ITGAM: variants seen among roughly 807,000 people sequenced by gnomAD.
ITGAM encodes integrin subunit alpha M.
In ITGAM, 79 loss-of-function variants were observed where a neutral mutation model predicts 137.5. The ratio of observed to expected loss-of-function variants is 0.57; its 90% CI spans 0.48 to 0.69. The LOEUF is 0.69. Among genes scored for constraint, ITGAM ranks in the 30% least tolerant of loss-of-function variants. ITGAM has a pLI of 0.00. For missense variants in ITGAM, 1,343 were observed against 1,483.5 expected, an observed-to-expected ratio of 0.91 and a Z score of 1.56; for synonymous variants, 583 against 592.3, an observed-to-expected ratio of 0.98 and a Z score of 0.23.
intron 12 of ITGAM, among the ~76,000 whole-genome samples, chr16:31,284,798 G>A (rs554957631): frequency 3.7e-4 from 57 of 152,142 alleles, no homozygotes; most frequent in Non-Finnish European, 6.2e-4. Context: ...TGTCTTCTGC[G>A]TCACTCACGC....
chr16:31,322,929 G>A (rs1365957658), intron 16 of ITGAM, among the ~76,000 whole-genome samples: 1 of 151,932 alleles, frequency 6.6e-6, no homozygotes, highest in Admixed American at 6.6e-5. Context: ...ATAAATATGC[G>A]ATAAAAAGAA....
chr16:31,267,670 G>T (rs9938177), intron 5 of ITGAM, among the ~76,000 whole-genome samples: 109,978 of 150,440 alleles, frequency 0.73, 40,969 homozygotes, highest in African/African-American at 0.9. Context: ...TTTTTTTTTT[G>T]GAGACAGGGT....
intron 12 of ITGAM, among the ~76,000 whole-genome samples, chr16:31,286,194 G>A (rs1418046119): frequency 6.6e-6 from 1 of 151,396 alleles, no homozygotes; most frequent in Non-Finnish European, 1.5e-5. Flanking sequence ...TTTTTTTTAT[G>A]GTGGCGTAGT....
At chr16:31,264,365 T>G (rs1244881393) in intron 2 of ITGAM, among the ~76,000 whole-genome samples, 1 of 152,038 alleles carries the variant, frequency 6.6e-6, no homozygotes, top group African/African-American at 2.4e-5. Flanking sequence ...GAGGAATGCT[T>G]GAACCTGGGA....
At position 31,275,477 on chromosome 16, in the gene ITGAM, C is replaced by T. The variant is rs2079896150; in HGVS notation, c.859-72C>T. ...ATAAATAATGGTTCAGACTAGTTTC[C>T]TGCAGAATTGTCTTTGCCAGATGAT... On this transcript the variant is annotated intron_variant, in intron 8 of 29. Coordinates refer to ENST00000544665, the MANE Select transcript of ITGAM (RefSeq NM_000632.4). The T allele has an allele frequency of 1.4e-5, 21 of 1,480,132 alleles. No homozygotes were observed. In the South Asian group the frequency reaches 1.8e-4, roughly 13 times the overall value. The allele number at this position is 1,480,132 out of a possible 1,614,324, so 91.7% of individuals were successfully genotyped here.
intron 14 of ITGAM, among the ~76,000 whole-genome samples, chr16:31,309,553 C>G (rs976518994): frequency 6.6e-6 from 1 of 151,534 alleles, no homozygotes; most frequent in Non-Finnish European, 1.5e-5. Flanking sequence ...TGTCTCTGCA[C>G]TTGAGATGGG....
At chr16:31,281,318 G>C (rs2079966498) in intron 12 of ITGAM, among the ~76,000 whole-genome samples, 1 of 152,120 alleles carries the variant, frequency 6.6e-6, no homozygotes, top group African/African-American at 2.4e-5. Context: ...TTGTACCTCT[G>C]GTAGAATTCA....
At chr16:31,276,583 C>A (rs2079908289) in intron 9 of ITGAM, 88 bp from the exon 10 acceptor site, 3 of 892,108 alleles carry the variant, frequency 3.4e-6, no homozygotes, top group Admixed American at 2.1e-5. Flanking sequence ...CTGCCCATCT[C>A]AGGCTCTCAA....
chr16:31,312,309 G>T (rs180676425), intron 14 of ITGAM, among the ~76,000 whole-genome samples: 9 of 151,938 alleles, frequency 5.9e-5, no homozygotes, highest in East Asian at 1.9e-4. Context: ...AAAAAGAAAA[G>T]AAATCCAATG....
At chr16:31,285,411 G>T (rs189316787) in intron 12 of ITGAM, among the ~76,000 whole-genome samples, 418 of 152,172 alleles carry the variant, frequency 2.7e-3, no homozygotes, top group Non-Finnish European at 4.2e-3. Flanking sequence ...ATCACCTGAG[G>T]TCAGGAGTTT....
intron 23 of ITGAM, 155 bp from the exon 24 acceptor site, chr16:31,329,073 T>TTCCCC: frequency 3.3e-5 from 14 of 426,162 alleles, no homozygotes; most frequent in Non-Finnish European, 3.6e-5. Context: ...ACACATTGGT[T>TTCCCC]CCCCCATCCC....
chr16:31,270,669 A>G (rs1251674703), intron 5 of ITGAM, among the ~76,000 whole-genome samples: 4 of 127,160 alleles, frequency 3.1e-5, no homozygotes, highest in African/African-American at 1.2e-4. Flanking sequence ...ATGTGCCAAC[A>G]TGCCTGACTA....
At chr16:31,307,437 G>A (rs951202592) in intron 14 of ITGAM, among the ~76,000 whole-genome samples, 1 of 152,126 alleles carries the variant, frequency 6.6e-6, no homozygotes, top group South Asian at 2.1e-4. Flanking sequence ...CTCATGATTT[G>A]GCTCTCTGTT....
At position 31,265,499 on chromosome 16, in the gene ITGAM, G is replaced by T; in HGVS notation, c.238+1G>T. On this transcript the variant is annotated splice_donor_variant, in intron 3 of 29. Coordinates refer to ENST00000544665, the MANE Select transcript of ITGAM (RefSeq NM_000632.4). LOFTEE classifies it high-confidence loss of function. ...TCATGCGAGCCCATCCGCCTGCAGG[G>T]TGAGTCACTGCCCCGCCGGGCTGGG... 1 of 1,583,010 alleles carries T rather than the reference G, an allele frequency of 6.3e-7. No individual in the cohort carries two copies. Among genetic ancestry groups the T allele is most frequent in the Non-Finnish European group, 8.6e-7 (1 of 1,161,758 alleles).
At chr16:31,320,632 T>C (rs2080439181) in intron 14 of ITGAM, among the ~76,000 whole-genome samples, 1 of 152,226 alleles carries the variant, frequency 6.6e-6, no homozygotes, top group Non-Finnish European at 1.5e-5. Context: ...ATAATAATTT[T>C]GCTACTTTTT....
intron 14 of ITGAM, among the ~76,000 whole-genome samples, chr16:31,302,494 C>CTT (rs2080216865): frequency 1.1e-5 from 1 of 87,912 alleles, no homozygotes; most frequent in African/African-American, 5.1e-5. Flanking sequence ...TTTTTTCTTT[C>CTT]CTTCTTTCTT....
At chr16:31,328,358 G>T in intron 23 of ITGAM, 128 bp downstream of exon 23, 1 of 733,368 alleles carries the variant, frequency 1.4e-6, no homozygotes, top group East Asian at 2.5e-5. Flanking sequence ...GCATGTATGT[G>T]TGCATGGGTG....
chr16:31,331,149 C>G lies in ITGAM; in HGVS notation c.3277-16C>G. 6.8e-7 allele frequency: 1 copy of G among 1,460,012 alleles called. No individual in the cohort carries two copies. Among genetic ancestry groups the G allele is most frequent in the Non-Finnish European group, 9.6e-7 (1 of 1,043,132 alleles). The allele number at this position is 1,460,012 out of a possible 1,614,324, so 90.4% of individuals were successfully genotyped here. A position where few individuals can be genotyped will look rare whatever the true frequency, so the allele number is the denominator to read the frequency against. On this transcript the variant is annotated splice_polypyrimidine_tract_variant and intron_variant, in intron 28 of 29. Coordinates refer to ENST00000544665, the MANE Select transcript of ITGAM (RefSeq NM_000632.4). ...TCCAGAGTCGTCTCCCCTGACGCCC[C>G]TCCTTCCTCCCCCAGACGGAGACCA...
intron 14 of ITGAM, among the ~76,000 whole-genome samples, chr16:31,318,972 A>T: frequency 6.6e-6 from 1 of 151,860 alleles, no homozygotes; most frequent in East Asian, 1.9e-4. Flanking sequence ...TTAGTTGTTC[A>T]ATGGTGTATT....
Sources: gnomAD v4.1 joint callset for allele counts (sites outside exome capture counted in the v4.1 genomes callset) on GRCh38, gnomAD v4.1.1 for gene constraint, MANE v1.5 for transcripts, NCBI Gene and HGNC (gene_info 2026-07-23, HGNC 2026-07-21) for gene names.